The following SMC6 variants were observed in gnomAD, a reference collection of about 807,000 sequenced individuals.
SMC6 encodes structural maintenance of chromosomes protein 6.
A neutral mutation model predicts 142.2 loss-of-function variants in SMC6; 79 were observed. The ratio of observed to expected loss-of-function variants is 0.56; its 90% confidence interval spans 0.46 to 0.67. SMC6 has a LOEUF of 0.67. Among genes scored for constraint, SMC6 ranks in the 30% least tolerant of loss-of-function variants. The pLI, the probability that SMC6 is intolerant of heterozygous loss-of-function variation, is 0.00. For missense variants in SMC6, 1,072 were observed against 1,284.0 expected (o/e 0.83, Z 2.52); for synonymous variants, 411 against 412.4 (o/e 1.00, Z 0.04).
chr2:17,669,342 G>A (rs901164199), intron 26 of SMC6, among the ~76,000 whole-genome samples: 1 of 152,166 alleles, frequency 6.6e-6, no homozygotes, highest in South Asian at 2.1e-4. Context: ...TAGAGTACAG[G>A]AGAGATGTCA....
intron 15 of SMC6, among the ~76,000 whole-genome samples, chr2:17,715,481 T>C (rs1013875697): frequency 1.3e-5 from 2 of 152,082 alleles, no homozygotes; most frequent in African/African-American, 4.8e-5. Flanking sequence ...TGGATCCTGG[T>C]ATAAAGGTAT....
chr2:17,677,137 A>G (rs1471423168), intron 25 of SMC6, among the ~76,000 whole-genome samples: 1 of 152,158 alleles, frequency 6.6e-6, no homozygotes, highest in Admixed American at 6.6e-5. Flanking sequence ...TCTTAGGGGT[A>G]AGCACGCAGT....
intron 16 of SMC6, 129 bp downstream of exon 16, chr2:17,714,732 T>TA: frequency 1.1e-6 from 1 of 930,218 alleles, no homozygotes; most frequent in South Asian, 1.6e-5. Flanking sequence ...AGACAGAAAT[T>TA]AAAGTGGCTT....
intron 27 of SMC6, among the ~76,000 whole-genome samples, chr2:17,666,160 T>C (rs1399200481): frequency 2.0e-5 from 3 of 152,194 alleles, no homozygotes; most frequent in Non-Finnish European, 4.4e-5. Flanking sequence ...ATTACTTTAG[T>C]TTGTCATGAT....
At chr2:17,747,466 T>C (rs899852574) in intron 2 of SMC6, among the ~76,000 whole-genome samples, 2 of 151,958 alleles carry the variant, frequency 1.3e-5, no homozygotes, top group East Asian at 1.9e-4. Flanking sequence ...ATATTTATTA[T>C]ATTAGAAATT....
chr2:17,700,169 C>T (rs1668199985), intron 21 of SMC6, 39 bp downstream of exon 21: 3 of 1,425,298 alleles, frequency 2.1e-6, no homozygotes, highest in Admixed American at 4.6e-5. Context: ...AAAACTAAAA[C>T]ATAAAATACA....
intron 20 of SMC6, 60 bp from the exon 21 acceptor site, chr2:17,700,438 G>GA: frequency 7.6e-7 from 1 of 1,321,264 alleles, no homozygotes; most frequent in Non-Finnish European, 1.0e-6. Context: ...TCAAATAGAA[G>GA]AAACATAAAA....
intron 18 of SMC6, among the ~76,000 whole-genome samples, chr2:17,705,222 C>A (rs1201856145): frequency 6.6e-6 from 1 of 151,994 alleles, no homozygotes; most frequent in Non-Finnish European, 1.5e-5. Flanking sequence ...TGCACCACTG[C>A]ACTCCAGCCT....
intron 2 of SMC6, among the ~76,000 whole-genome samples, chr2:17,748,382 A>T (rs1054532956): frequency 6.6e-6 from 1 of 152,236 alleles, no homozygotes; most frequent in South Asian, 2.1e-4. Context: ...GAAGAACCTT[A>T]TATATTATGA....
intron 2 of SMC6, among the ~76,000 whole-genome samples, chr2:17,747,534 C>G (rs1330388355): frequency 7.9e-6 from 1 of 127,016 alleles, no homozygotes; most frequent in Non-Finnish European, 1.6e-5. Context: ...GAGATGGAGT[C>G]TTGCTCTGTC....
chr2:17,671,858 A>C (rs1190444897), intron 25 of SMC6, among the ~76,000 whole-genome samples: 1 of 152,020 alleles, frequency 6.6e-6, no homozygotes, highest in African/African-American at 2.4e-5. Context: ...TTTTGACAAA[A>C]TTCCAGATAT....
At chr2:17,745,732 A>G in intron 3 of SMC6, 95 bp downstream of exon 3, 1 of 1,309,120 alleles carries the variant, frequency 7.6e-7, no homozygotes. Flanking sequence ...AAATCATATT[A>G]CTTTTTCTTG....
chr2:17,739,677 G>A (rs1670328397), intron 4 of SMC6, among the ~76,000 whole-genome samples: 1 of 151,978 alleles, frequency 6.6e-6, no homozygotes, highest in Non-Finnish European at 1.5e-5. Flanking sequence ...GGAAGGCATA[G>A]TGGCATGTGC....
At chr2:17,707,990 A>G (rs1366861788) in intron 17 of SMC6, among the ~76,000 whole-genome samples, 1 of 101,584 alleles carries the variant, frequency 9.8e-6, no homozygotes, top group Non-Finnish European at 1.9e-5. Flanking sequence ...ATGTATATGT[A>G]TATATATACA....
At chr2:17,702,572 T>C (rs533580341) in intron 19 of SMC6, among the ~76,000 whole-genome samples, 1 of 152,320 alleles carries the variant, frequency 6.6e-6, no homozygotes, top group African/African-American at 2.4e-5. Context: ...TTACTATTTT[T>C]AAATGAATTG....
chr2:17,670,120 G>T (rs1031179861), intron 26 of SMC6, among the ~76,000 whole-genome samples: 1 of 152,170 alleles, frequency 6.6e-6, no homozygotes. Flanking sequence ...CATATTTATG[G>T]GTTGATGAAA....
In SMC6 at chr2:17,691,537, A is replaced by G. The variant is rs79296716; in HGVS notation, c.2678+3615T>C. Among the ~76,000 whole-genome samples the G allele has an allele frequency of 1.3e-4, 19 of 151,950 alleles. No homozygotes were observed. The South Asian group carries it at 4.0e-3, about 32-fold the overall frequency. ...CAACATTTCATGCTAAAAACTCTCA[A>G]TAAATTAGGTATTGATGGGACGTAT... On this transcript the variant is annotated intron_variant, in intron 23 of 27. Transcript: ENST00000448223.
In SMC6 at chr2:17,664,743, G is replaced by A. The variant is rs988293521; in HGVS notation, c.*756C>T. 7 of 152,508 alleles carry A rather than the reference G, an allele frequency of 4.6e-5. No individual in the cohort carries two copies. The highest frequency in any genetic ancestry group is 9.6e-5 in the African/African-American group (4 of 41,546). 9.4% of individuals were successfully genotyped at this position (152,508 alleles called of 1,614,324 possible). A position where few individuals can be genotyped will look rare whatever the true frequency, so the allele number is the denominator to read the frequency against. Reference sequence around the variant, plus strand: ...ATGAGCTACTCTCCTGCTCCATGAGGATCCACCCTCCACTCCCAGTTTTCC... The same window carrying A: ...ATGAGCTACTCTCCTGCTCCATGAGAATCCACCCTCCACTCCCAGTTTTCC... On this transcript the variant is annotated 3_prime_UTR_variant, in exon 28 of 28. Coordinates refer to ENST00000448223, the MANE Select transcript of SMC6 (RefSeq NM_001142286.2).
intron 26 of SMC6, among the ~76,000 whole-genome samples, chr2:17,668,726 T>G (rs1428371683): frequency 1.3e-5 from 2 of 151,652 alleles, no homozygotes; most frequent in Non-Finnish European, 2.9e-5. Flanking sequence ...GAAAGATGAG[T>G]AGAGTGACAT....
Sources: gnomAD v4.1 joint callset for allele counts (sites outside exome capture counted in the v4.1 genomes callset) on GRCh38, gnomAD v4.1.1 for gene constraint, MANE v1.5 for transcripts, NCBI Gene and HGNC (gene_info 2026-07-23, HGNC 2026-07-21) for gene names.